Variants in CNGB3 observed in about 807,000 individuals in gnomAD.
The protein encoded by CNGB3 is cyclic nucleotide gated channel subunit beta 3.
A neutral mutation model predicts 92.8 loss-of-function variants in CNGB3; 86 were observed. The ratio of observed to expected loss-of-function variants is 0.93; its 90% CI spans 0.78 to 1.11. The LOEUF (loss-of-function observed/expected upper bound fraction) is 1.11. Ranked by LOEUF, CNGB3 falls within the 50% of genes least tolerant of loss-of-function variation. CNGB3 has a pLI of 0.00. For missense variants in CNGB3, 1,026 were observed against 956.8 expected, an observed-to-expected ratio of 1.07 and a Z score of -0.95; for synonymous variants, 333 against 332.7, an observed-to-expected ratio of 1.00 and a Z score of -0.01.
At chr8:86,640,804 T>C (rs1316498676) in intron 10 of CNGB3, among the ~76,000 whole-genome samples, 1 of 152,108 alleles carries the variant, frequency 6.6e-6, no homozygotes, top group Non-Finnish European at 1.5e-5. Flanking sequence ...TTGACTAATG[T>C]TAATTGACAA....
chr8:86,677,379 G>T (rs150410271), intron 3 of CNGB3, among the ~76,000 whole-genome samples: 1 of 152,318 alleles, frequency 6.6e-6, no homozygotes, highest in East Asian at 1.9e-4. Context: ...TGTGAAACTT[G>T]AGTCGTAAGT....
intron 6 of CNGB3, chr8:86,657,441 G>A (rs1585996977): frequency 1.9e-6 from 1 of 513,260 alleles, no homozygotes; most frequent in East Asian, 5.6e-5. Context: ...GGAATGCAGG[G>A]GTTGCTGCCC....
At position 86,600,139 on chromosome 8, in the gene CNGB3, G is replaced by A. The variant is rs537729162; in HGVS notation, c.1781+3954C>T. On this transcript the variant is annotated intron_variant, in intron 15 of 17. Transcript: ENST00000320005. Reference sequence around the variant, plus strand: ...GAAATATCGGGGGTGGATTTTGCCCGATAAACGTTCAGCTTTTGGTTCCCA... The same window carrying A: ...GAAATATCGGGGGTGGATTTTGCCCAATAAACGTTCAGCTTTTGGTTCCCA... Among the ~76,000 whole-genome samples, 22 of 152,282 alleles carry A rather than the reference G, an allele frequency of 1.4e-4. No individual in the cohort carries two copies. In the South Asian group the frequency reaches 1.4e-3, roughly 10 times the overall value.
intron 12 of CNGB3, among the ~76,000 whole-genome samples, chr8:86,627,592 T>C (rs1176916060): frequency 1.3e-5 from 2 of 152,234 alleles, no homozygotes; most frequent in African/African-American, 4.8e-5. Flanking sequence ...TCCTATTTCA[T>C]ATGGTAAGAA....
At chr8:86,579,052 T>G in intron 16 of CNGB3, 54 bp downstream of exon 16, 1 of 1,609,826 alleles carries the variant, frequency 6.2e-7, no homozygotes, top group African/African-American at 1.3e-5. Context: ...TATCTCAGAG[T>G]TTACAAAGTA....
Position 86,625,381 on chromosome 8 carries a change from G to T in CNGB3, c.1578+602C>A, listed in dbSNP as rs532728426. ...AATGAATTAATTGAATGGATGAGTC[G>T]GTGAATGCTATACCCAGAAGGAAAT... On this transcript the variant is annotated intron_variant, in intron 13 of 17. Coordinates refer to ENST00000320005, the MANE Select transcript of CNGB3 (RefSeq NM_019098.5). 3.8e-4 allele frequency among the ~76,000 whole-genome samples: 57 copies of T among 151,938 alleles called. 1 individual carries two copies. The highest frequency in any genetic ancestry group is 1.4e-3 in the African/African-American group (56 of 41,360).
rs373467441 is a variant in CNGB3 at position 86,695,069 on chromosome 8, C to T, written c.339-23971G>A. On this transcript the variant is annotated intron_variant, in intron 3 of 17. Transcript: ENST00000320005. The stretch of plus-strand genomic sequence containing the variant: ...CGGCACCTCGGGAGGCCAAGGCTGG[C>T]GGATCACTCGCGGTAAGGAGCTGGA... Among the ~76,000 whole-genome samples, 405 of 152,328 alleles carry T rather than the reference C, an allele frequency of 2.7e-3. 2 individuals are homozygous for T. Among genetic ancestry groups the T allele is most frequent in the African/African-American group, 8.6e-3 (357 of 41,574 alleles).
intron 2 of CNGB3, among the ~76,000 whole-genome samples, chr8:86,734,032 T>C (rs1489651174): frequency 6.6e-6 from 1 of 152,034 alleles, no homozygotes; most frequent in Non-Finnish European, 1.5e-5. Flanking sequence ...TATGCTCAGC[T>C]AATTAAAAAA....
At chr8:86,678,793 C>T (rs1466739852) in intron 3 of CNGB3, among the ~76,000 whole-genome samples, 1 of 152,098 alleles carries the variant, frequency 6.6e-6, no homozygotes, top group Non-Finnish European at 1.5e-5. Context: ...TTATATTATA[C>T]ACCCATATGT....
At chr8:86,613,594 T>A (rs978796833) in intron 13 of CNGB3, among the ~76,000 whole-genome samples, 4 of 152,164 alleles carry the variant, frequency 2.6e-5, no homozygotes, top group African/African-American at 7.2e-5. Context: ...TCTCAGTCAC[T>A]CATGTCCATG....
chr8:86,729,070 C>G (rs1469357705), intron 2 of CNGB3, among the ~76,000 whole-genome samples: 1 of 152,018 alleles, frequency 6.6e-6, no homozygotes, highest in African/African-American at 2.4e-5. Flanking sequence ...GCCACCACAC[C>G]CAGTTAATTT....
intron 13 of CNGB3, among the ~76,000 whole-genome samples, chr8:86,625,364 A>T (rs948117735): frequency 7.2e-5 from 11 of 152,210 alleles, no homozygotes; most frequent in Admixed American, 2.0e-4. Flanking sequence ...TGAATGAATT[A>T]ATTGAATGGA....
intron 3 of CNGB3, among the ~76,000 whole-genome samples, chr8:86,691,986 A>G (rs950367748): frequency 6.6e-5 from 10 of 152,290 alleles, no homozygotes; most frequent in African/African-American, 2.2e-4. Flanking sequence ...TGTTGACCAA[A>G]TGATCATTCA....
rs1411661528 is a variant in CNGB3 at position 86,658,735 on chromosome 8, TCTC to T, written c.853-4676_853-4674del. 1.3e-5 allele frequency: 6 copies of T among 475,450 alleles called. No homozygotes were observed. The East Asian group carries it at 2.7e-4, about 21-fold the overall frequency. The allele number at this position is 475,450 out of a possible 1,614,324, so 29.5% of individuals were successfully genotyped here. The stretch of plus-strand genomic sequence containing the variant: ...TGCTCCGACTGTGGTGTGCTGGTGA[TCTC>T]CATGTTCTCATTGTTCAGCTTCATG... On this transcript the variant is annotated intron_variant, in intron 6 of 17. Coordinates refer to ENST00000320005, the MANE Select transcript of CNGB3 (RefSeq NM_019098.5).
chr8:86,720,490 G>GA (rs776523174), intron 3 of CNGB3, among the ~76,000 whole-genome samples: 3 of 151,712 alleles, frequency 2.0e-5, no homozygotes, highest in Non-Finnish European at 2.9e-5. Context: ...ATCAAAAAAT[G>GA]AAAAAATAAT....
At chr8:86,593,412 G>A (rs1182512177) in intron 15 of CNGB3, among the ~76,000 whole-genome samples, 1 of 152,136 alleles carries the variant, frequency 6.6e-6, no homozygotes, top group Admixed American at 6.5e-5. Flanking sequence ...CTAACTAAAT[G>A]TTTCTTTGGA....
intron 3 of CNGB3, among the ~76,000 whole-genome samples, chr8:86,693,945 C>G (rs1824373706): frequency 6.8e-6 from 1 of 148,122 alleles, no homozygotes; most frequent in Admixed American, 6.7e-5. Context: ...ATGGCCCGTT[C>G]TCAATGAGCC....
chr8:86,720,710 C>G (rs1466617471), intron 3 of CNGB3, among the ~76,000 whole-genome samples: 5 of 151,850 alleles, frequency 3.3e-5, no homozygotes, highest in Non-Finnish European at 7.4e-5. Context: ...ATGTTTATAG[C>G]AGCACAATTT....
intron 3 of CNGB3, among the ~76,000 whole-genome samples, chr8:86,716,313 C>T (rs1242110463): frequency 6.6e-6 from 1 of 152,188 alleles, no homozygotes; most frequent in Non-Finnish European, 1.5e-5. Flanking sequence ...GGGAATAATT[C>T]AGGAAAACTT....
Sources: allele counts gnomAD v4.1 joint callset (sites outside exome capture counted in the v4.1 genomes callset), GRCh38; gene constraint gnomAD v4.1.1; transcripts MANE v1.5; gene names NCBI Gene and HGNC (gene_info 2026-07-23, HGNC 2026-07-21).